ITGA7: variants seen among roughly 807,000 people sequenced by gnomAD.
ITGA7 encodes the protein integrin alpha-7.
Under a neutral mutation model 131.6 loss-of-function variants are expected in ITGA7, and 84 were observed. That is an observed-to-expected ratio of 0.64 (90% CI 0.54 to 0.77). ITGA7 has a LOEUF of 0.77. Ranked by LOEUF, ITGA7 falls within the 30% of genes least tolerant of loss-of-function variation. The pLI is 0.00. For missense variants in ITGA7, 1,399 were observed against 1,482.9 expected, an observed-to-expected ratio of 0.94 and a Z score of 0.93; for synonymous variants, 548 against 600.7, an observed-to-expected ratio of 0.91 and a Z score of 1.28.
chr12:55,700,166 A>G (rs1873652985), intron 4 of ITGA7, 177 bp from the exon 5 acceptor site: 2 of 1,467,622 alleles, frequency 1.4e-6, no homozygotes, highest in African/African-American at 2.8e-5. Flanking sequence ...AAGGTGAGAG[A>G]CAGAAACAGA....
chr12:55,706,590 T>C (rs1040964850), intron 1 of ITGA7, among the ~76,000 whole-genome samples: 10 of 152,080 alleles, frequency 6.6e-5, no homozygotes, highest in African/African-American at 2.4e-4. Context: ...ATCAGACATG[T>C]AGCAAGAGCC....
upstream of ITGA7, among the ~76,000 whole-genome samples, chr12:55,710,025 G>T (rs1875927366): frequency 6.6e-6 from 1 of 152,208 alleles, no homozygotes; most frequent in Non-Finnish European, 1.5e-5. Flanking sequence ...AGACCAGAAT[G>T]TTGGAGTGGA....
chr12:55,714,540 G>A (rs1876367138), upstream of ITGA7, among the ~76,000 whole-genome samples: 2 of 131,596 alleles, frequency 1.5e-5, no homozygotes, highest in Non-Finnish European at 3.1e-5. Flanking sequence ...ACAAAAATTA[G>A]TCAGGTGTGG....
chr12:55,698,384 T>A lies in ITGA7; in HGVS notation c.1191A>T (p.Pro397=), dbSNP rs374034223. The A allele has an allele frequency of 1.4e-5, 23 of 1,610,812 alleles. No individual in the cohort carries two copies. The highest frequency in any genetic ancestry group is 2.0e-5 in the Non-Finnish European group (23 of 1,178,636). Residue 397 remains proline (P), a splice_region_variant and synonymous_variant, in exon 7 of 25, where the codon CCA becomes CCT. Transcript: ENST00000257879. The part of the protein sequence containing the change: ...VLGDLNQDGF[P]DIAVGAPFDG... The stretch of plus-strand genomic sequence containing the variant: ...AGCCTTTCCAGTTCCCCGTCACACC[T>A]GGAAAGCCATCTTGGTTGAGGTCCC...
Position 55,693,244 on chromosome 12 carries a change from G to A in ITGA7, c.2609C>T (p.Ala870Val), listed in dbSNP as rs1381008790. ...TGGGTACAGCAACCACTTCCCATTGGCAATCTCATGAGGCCACATGATGTT... is the reference window on the plus strand; with the variant it reads ...TGGGTACAGCAACCACTTCCCATTGACAATCTCATGAGGCCACATGATGTT... Reference protein sequence around the residue: ...FLNIMWPHEIANGKWLLYPMQ... With the variant: ...FLNIMWPHEIVNGKWLLYPMQ... The change falls in exon 20 of 25, where the codon GCC becomes GTC. Residue 870 changes from alanine (A) to valine (V), a missense_variant. Physicochemically the swap from Ala to Val is moderately conservative, Grantham distance 64. Transcript: ENST00000257879. The A allele has an allele frequency of 4.3e-6, 7 of 1,614,046 alleles. No individual in the cohort carries two copies. The highest frequency in any genetic ancestry group is 4.2e-6 in the Non-Finnish European group (5 of 1,179,964).
In ITGA7 at chr12:55,700,054, A is replaced by T. The variant is rs1000625992; in HGVS notation, c.671-65T>A. On this transcript the variant is annotated intron_variant, in intron 4 of 24. Transcript: ENST00000257879. ...AGAGTAGGGGCCACAGAGTAGGGAG[A>T]CAGAGCCACAGAAAGGCCAGAAAAT... The T allele has an allele frequency of 2.5e-6, 4 of 1,583,968 alleles. No homozygotes were observed. The African/African-American group carries it at 5.4e-5, about 21-fold the overall frequency.
rs775049462 is a variant in ITGA7, at chr12:55,698,481, C to T, written c.1094G>A (p.Trp365Ter). Residue 365 changes from tryptophan (W) to a stop codon, truncating the protein, a stop_gained, in exon 7 of 25, where the codon TGG becomes TAG. Coordinates refer to ENST00000257879, the MANE Select transcript of ITGA7 (RefSeq NM_002206.3). LOFTEE classifies it high-confidence loss of function. ...VYVYLNQGGH[W>*]AGISPLRLCG... Reference sequence around the variant, plus strand: ...GAGCCGGAGAGGGGAGATCCCAGCCCAGTGACCCCCCTGGTTCAAGTACAC... The same window carrying T: ...GAGCCGGAGAGGGGAGATCCCAGCCTAGTGACCCCCCTGGTTCAAGTACAC... 6.2e-7 allele frequency: 1 copy of T among 1,613,938 alleles called. No individual in the cohort carries two copies. The highest frequency in any genetic ancestry group is 8.5e-7 in the Non-Finnish European group (1 of 1,179,886).
Position 55,693,181 on chromosome 12 carries a change from T to C in ITGA7, c.2672A>G (p.Gln891Arg). ...GGGCCTGGGAGAGCAAAGCCCTTTC[T>C]GCCCAGGCCCCTGCCCGCCCTCCAG... ...VELEGGQGPG[Q>R]KGLCSPRPNI... The change falls in exon 20 of 25, where the codon CAG becomes CGG. Residue 891 changes from glutamine (Q) to arginine (R), a missense_variant. By Grantham distance (43) the Gln-to-Arg change is conservative. Transcript: ENST00000257879. The C allele has an allele frequency of 6.2e-7, 1 of 1,614,064 alleles. No homozygotes were observed. The highest frequency in any genetic ancestry group is 2.2e-5 in the East Asian group (1 of 44,866).
In ITGA7 at chr12:55,697,780, A is replaced by G; in HGVS notation, c.1324T>C (p.Ser442Pro). 1.9e-6 allele frequency: 3 copies of G among 1,614,110 alleles called. No homozygotes were observed. Among genetic ancestry groups the G allele is most frequent in the Non-Finnish European group, 2.5e-6 (3 of 1,180,010 alleles). The change falls in exon 9 of 25, where the codon TCC (serine) becomes CCC (proline). Residue 442 changes from serine to proline, a missense_variant. By Grantham distance (74) the Ser-to-Pro change is moderately conservative. Transcript: ENST00000257879. The part of the protein sequence containing the change: ...EAVGIKSFGY[S>P]LSGSLDMDGN... ...TCCATATCCAAGCTGCCTGACAGGG[A>G]GTAGCCGAAGCTCTTGATGCCCACA...
chr12:55,692,916 A>G lies in ITGA7; in HGVS notation c.2772T>C (p.Pro924=). 1 of 1,614,018 alleles carries G rather than the reference A, an allele frequency of 6.2e-7. No homozygotes were observed. The highest frequency in any genetic ancestry group is 1.1e-5 in the South Asian group (1 of 91,066). Residue 924 remains proline, a synonymous_variant, in exon 21 of 25, where the codon CCT becomes CCC. Transcript: ENST00000257879. The part of the protein sequence containing the change: ...RELEPPEQQE[P]GERQEPSMSW... ...ACATGCTGGGCTCCTGCCGCTCACC[A>G]GGCTCCTGCTGCTCAGGTGGCTCCA...
upstream of ITGA7, among the ~76,000 whole-genome samples, chr12:55,712,595 A>G (rs1220596019): frequency 6.6e-6 from 1 of 152,250 alleles, no homozygotes; most frequent in African/African-American, 2.4e-5. Flanking sequence ...TAATCTGAGT[A>G]GGAAATCGTA....
chr12:55,686,005 C>T (rs533963412), intron 24 of ITGA7, among the ~76,000 whole-genome samples: 380 of 152,348 alleles, frequency 2.5e-3, no homozygotes, highest in Non-Finnish European at 4.4e-3. Context: ...CCCACCAACC[C>T]TTTGTGCACG....
chr12:55,695,512 C>A lies in ITGA7; in HGVS notation c.2003+10G>T. 6.7e-7 allele frequency: 1 copy of A among 1,489,340 alleles called. No individual in the cohort carries two copies. The highest frequency in any genetic ancestry group is 9.4e-7 in the Non-Finnish European group (1 of 1,067,222). 92.3% of individuals were successfully genotyped at this position (1,489,340 alleles called of 1,614,324 possible). On this transcript the variant is annotated intron_variant, in intron 14 of 24. Transcript: ENST00000257879. The stretch of plus-strand genomic sequence containing the variant: ...CCTCCCACCCCCACCCTGCTCTCTG[C>A]CCCCCTCACATGGGCAGAGGTTGGA...
chr12:55,699,647 A>G lies in ITGA7; in HGVS notation c.790+223T>C, dbSNP rs1362438793. The G allele has an allele frequency of 5.1e-6, 3 of 588,476 alleles. No individual in the cohort carries two copies. The East Asian group carries it at 8.8e-5, about 17-fold the overall frequency. 36.5% of individuals were successfully genotyped at this position (588,476 alleles called of 1,614,324 possible). ...ATTCCACCTGAATCTTCCTCCATGG[A>G]GACCCCTGGCTCACAGCCCCAGAGG... On this transcript the variant is annotated intron_variant, in intron 5 of 24. Transcript: ENST00000257879.
chr12:55,707,820 G>GGCCGGC lies in ITGA7; in HGVS notation c.-139_-138insGCCGGC. 1.4e-6 allele frequency: 2 copies of GGCCGGC among 1,455,778 alleles called. No homozygotes were observed. The highest frequency in any genetic ancestry group is 1.8e-6 in the Non-Finnish European group (2 of 1,102,490). The allele number at this position is 1,455,778 out of a possible 1,614,324, so 90.2% of individuals were successfully genotyped here. A position where few individuals can be genotyped will look rare whatever the true frequency, so the allele number is the denominator to read the frequency against. ...CGTCTCCCAGACGTTCGCCCCGCCA[G>GGCCGGC]CCCTCCCGCCCGCCCGCCGCTCCGC... On this transcript the variant is annotated 5_prime_UTR_variant, in exon 1 of 25. Coordinates refer to ENST00000257879, the MANE Select transcript of ITGA7 (RefSeq NM_002206.3).
At chr12:55,714,169 G>A (rs1876330220), upstream of ITGA7, among the ~76,000 whole-genome samples, 1 of 152,004 alleles carries the variant, frequency 6.6e-6, no homozygotes, top group Admixed American at 6.5e-5. Flanking sequence ...CTGAGGTCAG[G>A]AGTTCAAGAC....
chr12:55,690,111 A>C (rs1303954079), intron 21 of ITGA7, among the ~76,000 whole-genome samples: 1 of 152,228 alleles, frequency 6.6e-6, no homozygotes, highest in Non-Finnish European at 1.5e-5. Flanking sequence ...AAAAGCCAAA[A>C]TTGACAAATG....
Position 55,687,994 on chromosome 12 carries a change from G to C in ITGA7, c.3160C>G (p.Leu1054Val), listed in dbSNP as rs779766907. 1.2e-6 allele frequency: 2 copies of C among 1,614,070 alleles called. No homozygotes were observed. Among genetic ancestry groups the C allele is most frequent in the African/African-American group, 2.7e-5 (2 of 74,926 alleles). The change falls in exon 24 of 25, where the codon CTG becomes GTG. Residue 1054 changes from leucine to valine, a missense_variant. Coordinates refer to ENST00000257879, the MANE Select transcript of ITGA7 (RefSeq NM_002206.3). ...ACCTTCCACAGGAGCAGCACCAGCA[G>C]TGCTAGCACCAGCAGCCCAGCCAGT... is the stretch of plus-strand genomic sequence containing the variant. The part of the protein sequence containing the change: ...AVLAGLLVLA[L>V]LVLLLWKMGF...
chr12:55,698,447 G>T lies in ITGA7; in HGVS notation c.1128C>A (p.Ser376=). 12 of 1,613,676 alleles carry T rather than the reference G, an allele frequency of 7.4e-6. No individual in the cohort carries two copies. The highest frequency in any genetic ancestry group is 1.0e-5 in the Non-Finnish European group (12 of 1,179,704). Residue 376 remains serine (S), a synonymous_variant, in exon 7 of 25, where the codon TCC becomes TCA. Transcript: ENST00000257879. ...AGISPLRLCG[S]PDSMFGISLA... ...GGCTGATCCCGAACATGGAGTCAGG[G>T]GAGCCGCAGAGCCGGAGAGGGGAGA...
Sources: allele counts gnomAD v4.1 joint callset (sites outside exome capture counted in the v4.1 genomes callset), GRCh38; gene constraint gnomAD v4.1.1; transcripts MANE v1.5; gene names NCBI Gene and HGNC (gene_info 2026-07-23, HGNC 2026-07-21).